The following VWA8 variants were observed in gnomAD, a reference collection of about 807,000 sequenced individuals.
VWA8 encodes the protein von Willebrand factor A domain-containing protein 8.
VWA8 carries 221 observed loss-of-function variants against 241.5 expected under a neutral mutation model. The ratio of observed to expected loss-of-function variants is 0.91; its 90% CI spans 0.82 to 1.02. VWA8 has a LOEUF of 1.02. Among genes scored for constraint, VWA8 ranks in the 50% least tolerant of loss-of-function variants. The pLI is 0.00. For synonymous variants in VWA8, 852 were observed against 827.1 expected (o/e 1.03, Z -0.52); for missense variants, 2,322 against 2,328.7 (o/e 1.00, Z 0.06).
chr13:41,909,047 G>GA (rs369784026), intron 3 of VWA8, among the ~76,000 whole-genome samples: 31 of 141,092 alleles, frequency 2.2e-4, no homozygotes, highest in South Asian at 9.0e-4. Flanking sequence ...CGTAAAGGAG[G>GA]AAAAAAATTT....
At chr13:41,829,755 T>C (rs909765617) in intron 14 of VWA8, among the ~76,000 whole-genome samples, 1 of 151,938 alleles carries the variant, frequency 6.6e-6, no homozygotes, top group Non-Finnish European at 1.5e-5. Context: ...AGCATAAGAA[T>C]GATATAATGG....
intron 21 of VWA8, among the ~76,000 whole-genome samples, chr13:41,759,493 C>G (rs1346836703): frequency 1.3e-5 from 2 of 151,458 alleles, no homozygotes; most frequent in Non-Finnish European, 3.0e-5. Context: ...CTACCATTAT[C>G]TCTTCAAAAT....
chr13:41,631,219 C>T (rs968830230), intron 37 of VWA8, among the ~76,000 whole-genome samples: 2 of 151,974 alleles, frequency 1.3e-5, no homozygotes, highest in South Asian at 2.1e-4. Flanking sequence ...GGGGTTTCAC[C>T]GTGTTGGCCA....
intron 35 of VWA8, among the ~76,000 whole-genome samples, chr13:41,683,863 A>C (rs1219386246): frequency 2.6e-5 from 4 of 152,176 alleles, no homozygotes; most frequent in African/African-American, 7.2e-5. Context: ...AGAGGTATCA[A>C]GGTGAGTCCC....
intron 28 of VWA8, among the ~76,000 whole-genome samples, chr13:41,699,660 C>T (rs2045237332): frequency 6.6e-6 from 1 of 152,192 alleles, no homozygotes; most frequent in Admixed American, 6.5e-5. Context: ...TGGTCAATGT[C>T]TTCTATCTGC....
chr13:41,863,414 TG>T (rs1873105801), intron 12 of VWA8, among the ~76,000 whole-genome samples: 1 of 77,052 alleles, frequency 1.3e-5, no homozygotes, highest in Non-Finnish European at 2.7e-5. Flanking sequence ...TGTGTGTGTG[TG>T]TGTGTGTGTG....
At chr13:41,572,933 C>CCGGCCTGGCCGG (rs1555303429) in intron 43 of VWA8, among the ~76,000 whole-genome samples, 27 of 148,220 alleles carry the variant, frequency 1.8e-4, no homozygotes, top group African/African-American at 6.5e-4. Context: ...CATGGTGGAA[C>CCGGCCTGGCCGG]CCTGTCTCTA....
intron 6 of VWA8, 80 bp from the exon 7 acceptor site, chr13:41,886,910 C>T: frequency 8.8e-7 from 1 of 1,130,254 alleles, no homozygotes; most frequent in Admixed American, 2.6e-5. Flanking sequence ...AGATACAATC[C>T]AACCTTTTAA....
chr13:41,666,208 G>A (rs1216486157), intron 37 of VWA8, among the ~76,000 whole-genome samples: 1 of 152,134 alleles, frequency 6.6e-6, no homozygotes, highest in African/African-American at 2.4e-5. Flanking sequence ...GAACCCAGGA[G>A]TGCTATCTTA....
intron 42 of VWA8, among the ~76,000 whole-genome samples, chr13:41,586,562 G>C (rs1198269578): frequency 3.5e-5 from 3 of 86,012 alleles, no homozygotes; most frequent in Middle Eastern, 6.9e-3. Context: ...GGAAATTCAG[G>C]GGGGGCAGTA....
chr13:41,894,181 CAA>C (rs764324522), intron 4 of VWA8, among the ~76,000 whole-genome samples: 10 of 152,178 alleles, frequency 6.6e-5, no homozygotes, highest in Non-Finnish European at 1.5e-4. Context: ...CCACAAAAAG[CAA>C]AGTCTTGACA....
chr13:41,885,072 A>G (rs1170705907), intron 8 of VWA8, among the ~76,000 whole-genome samples: 1 of 152,168 alleles, frequency 6.6e-6, no homozygotes, highest in African/African-American at 2.4e-5. Flanking sequence ...TTCCTCCAAC[A>G]TAAGTCTGGT....
At chr13:41,854,535 T>C (rs1028858751) in intron 12 of VWA8, among the ~76,000 whole-genome samples, 3 of 151,148 alleles carry the variant, frequency 2.0e-5, no homozygotes, top group South Asian at 2.1e-4. Context: ...ATATTCATAT[T>C]TTCCTTTTTC....
At chr13:41,691,100 TG>T (rs1487808411) in intron 32 of VWA8, among the ~76,000 whole-genome samples, 1 of 152,140 alleles carries the variant, frequency 6.6e-6, no homozygotes, top group East Asian at 1.9e-4. Context: ...GAAAAAGTCA[TG>T]ATTTTTTAAC....
At chr13:41,717,614 ACTCT>A (rs531578814) in intron 26 of VWA8, among the ~76,000 whole-genome samples, 217 of 151,964 alleles carry the variant, frequency 1.4e-3, no homozygotes, top group African/African-American at 5.0e-3. Flanking sequence ...TTGTCATCCT[ACTCT>A]CTCTAAGTAC....
At chr13:41,695,673 T>C (rs1252056931) in intron 29 of VWA8, among the ~76,000 whole-genome samples, 1 of 152,082 alleles carries the variant, frequency 6.6e-6, no homozygotes, top group Non-Finnish European at 1.5e-5. Flanking sequence ...ACAGATAAGG[T>C]GTGCAGGTCT....
At chr13:41,595,083 C>A (rs1394862287) in intron 40 of VWA8, among the ~76,000 whole-genome samples, 1 of 152,152 alleles carries the variant, frequency 6.6e-6, no homozygotes, top group Non-Finnish European at 1.5e-5. Context: ...GACTATTAGG[C>A]CCTGTCAAAA....
intron 21 of VWA8, among the ~76,000 whole-genome samples, chr13:41,743,251 G>T (rs1359881839): frequency 6.6e-6 from 1 of 152,214 alleles, no homozygotes; most frequent in East Asian, 1.9e-4. Context: ...GGAAAGGAGA[G>T]ATCAGAGGCT....
intron 27 of VWA8, 108 bp from the exon 28 acceptor site, chr13:41,701,638 C>T (rs1381136017): frequency 5.8e-6 from 6 of 1,043,344 alleles, no homozygotes; most frequent in East Asian, 2.9e-5. Flanking sequence ...ATTTAATATC[C>T]TGCTATACCT....
Sources: gnomAD v4.1 joint callset for allele counts (sites outside exome capture counted in the v4.1 genomes callset) on GRCh38, gnomAD v4.1.1 for gene constraint, MANE v1.5 for transcripts, NCBI Gene and HGNC (gene_info 2026-07-23, HGNC 2026-07-21) for gene names.